Variants in XKR6 observed in about 807,000 individuals in gnomAD.
XKR6 encodes XK related 6, also known as XK-related protein 6.
In XKR6, 22 loss-of-function variants were observed where a neutral mutation model predicts 56.7. The observed-to-expected ratio is 0.39, with a 90% CI of 0.28 to 0.55. XKR6 has a LOEUF of 0.55. Among genes scored for constraint, XKR6 ranks in the 20% least tolerant of loss-of-function variants. The probability of loss-of-function intolerance (pLI) is 0.66; values close to 1 mark genes in which losing one functional copy is unlikely to be tolerated. For synonymous variants in XKR6, 524 were observed against 387.8 expected, an observed-to-expected ratio of 1.35 and a Z score of -4.13; for missense variants, 852 against 889.0, an observed-to-expected ratio of 0.96 and a Z score of 0.53.
intron 1 of XKR6, among the ~76,000 whole-genome samples, chr8:11,140,285 C>T (rs550461479): frequency 1.3e-5 from 2 of 152,246 alleles, no homozygotes; most frequent in South Asian, 2.1e-4. Flanking sequence ...ATCCAAGAAA[C>T]GTTTTCCGAA....
chr8:11,025,322 C>T (rs895379522), intron 1 of XKR6, among the ~76,000 whole-genome samples: 1 of 152,170 alleles, frequency 6.6e-6, no homozygotes, highest in African/African-American at 2.4e-5. Context: ...CATAATCTGA[C>T]TTTAGAGCCT....
chr8:11,148,672 C>T (rs1172592896), intron 1 of XKR6, among the ~76,000 whole-genome samples: 1 of 151,886 alleles, frequency 6.6e-6, no homozygotes, highest in East Asian at 1.9e-4. Context: ...TATTCCACTC[C>T]TAGGTATTTA....
chr8:11,187,524 T>C (rs908566552), intron 1 of XKR6, among the ~76,000 whole-genome samples: 2 of 152,134 alleles, frequency 1.3e-5, no homozygotes, highest in East Asian at 1.9e-4. Context: ...AGAAGGAGTG[T>C]TGGTTCACGA....
At chr8:11,108,885 T>A (rs1456686491) in intron 1 of XKR6, 2 of 152,280 alleles carry the variant, frequency 1.3e-5, no homozygotes, top group Non-Finnish European at 2.9e-5. Flanking sequence ...AGGAAAAGGA[T>A]CCATAGATTT....
chr8:10,918,631 C>T (rs748399004), intron 2 of XKR6, among the ~76,000 whole-genome samples: 1 of 152,248 alleles, frequency 6.6e-6, no homozygotes, highest in Non-Finnish European at 1.5e-5. Context: ...GATCCCAGCT[C>T]TACCACTTCC....
intron 2 of XKR6, among the ~76,000 whole-genome samples, chr8:10,916,517 C>T (rs1208507308): frequency 1.3e-5 from 2 of 152,192 alleles, no homozygotes; most frequent in African/African-American, 4.8e-5. Flanking sequence ...GGATGTCTTT[C>T]ACTGGGGAGA....
chr8:11,069,208 C>G (rs896962895), intron 1 of XKR6, among the ~76,000 whole-genome samples: 2 of 150,980 alleles, frequency 1.3e-5, no homozygotes, highest in African/African-American at 4.9e-5. Flanking sequence ...ATAAGGCAGG[C>G]AGGTTCCACT....
chr8:11,185,332 T>C (rs1257581369), intron 1 of XKR6, among the ~76,000 whole-genome samples: 1 of 152,246 alleles, frequency 6.6e-6, no homozygotes, highest in East Asian at 1.9e-4. Flanking sequence ...CTTAAAAGTT[T>C]GGTGGTGTTT....
intron 1 of XKR6, among the ~76,000 whole-genome samples, chr8:11,010,776 C>CG (rs112756331): frequency 1.8e-4 from 26 of 147,030 alleles, no homozygotes; most frequent in African/African-American, 3.7e-4. Context: ...CCCTCCCCAC[C>CG]TTTTTTTTTT....
chr8:11,098,209 T>A (rs1028159178), intron 1 of XKR6, among the ~76,000 whole-genome samples: 1 of 143,612 alleles, frequency 7.0e-6, no homozygotes, highest in African/African-American at 2.5e-5. Flanking sequence ...CAGGTGACTC[T>A]CTCACACACA....
intron 1 of XKR6, among the ~76,000 whole-genome samples, chr8:10,946,292 C>T (rs149376563): frequency 6.6e-6 from 1 of 152,136 alleles, no homozygotes; most frequent in African/African-American, 2.4e-5. Flanking sequence ...GAGAAAGGAC[C>T]CCCGACCCAA....
chr8:11,113,635 TTTTG>T (rs1276845724), intron 1 of XKR6, among the ~76,000 whole-genome samples: 6 of 152,224 alleles, frequency 3.9e-5, no homozygotes, highest in African/African-American at 1.4e-4. Context: ...CTGGATTCCC[TTTTG>T]TTTAAGAGCA....
intron 1 of XKR6, among the ~76,000 whole-genome samples, chr8:10,998,101 G>A (rs954065251): frequency 1.3e-5 from 2 of 152,224 alleles, no homozygotes; most frequent in East Asian, 1.9e-4. Flanking sequence ...TCACCCCAGA[G>A]AGGGTCCAGC....
intron 1 of XKR6, among the ~76,000 whole-genome samples, chr8:10,950,348 A>G (rs1271499782): frequency 6.6e-6 from 1 of 152,202 alleles, no homozygotes; most frequent in Non-Finnish European, 1.5e-5. Flanking sequence ...CAGGGAGCAC[A>G]AGCTCTTTGT....
chr8:11,026,339 T>G (rs1211109616), intron 1 of XKR6, among the ~76,000 whole-genome samples: 1 of 148,212 alleles, frequency 6.7e-6, no homozygotes, highest in African/African-American at 2.5e-5. Context: ...TACTATACAC[T>G]TAGATAGTGT....
intron 1 of XKR6, among the ~76,000 whole-genome samples, chr8:11,162,794 T>C (rs543827640): frequency 2.6e-5 from 4 of 152,328 alleles, no homozygotes; most frequent in South Asian, 4.1e-4. Flanking sequence ...AAAAAGAACT[T>C]TGTAAGAAGC....
At chr8:11,014,498 C>G (rs1379608848) in intron 1 of XKR6, among the ~76,000 whole-genome samples, 1 of 152,184 alleles carries the variant, frequency 6.6e-6, no homozygotes, top group Non-Finnish European at 1.5e-5. Context: ...AGGTTGGAGC[C>G]TCCCCTTTCC....
intron 1 of XKR6, among the ~76,000 whole-genome samples, chr8:11,016,249 C>G (rs951173638): frequency 6.6e-6 from 1 of 152,202 alleles, no homozygotes; most frequent in African/African-American, 2.4e-5. Flanking sequence ...CGGAGGTTGG[C>G]CGGGGGCCTC....
chr8:11,157,206 G>A (rs971566354), intron 1 of XKR6, among the ~76,000 whole-genome samples: 1 of 152,196 alleles, frequency 6.6e-6, no homozygotes, highest in Non-Finnish European at 1.5e-5. Context: ...AACTGTTGCA[G>A]CGCAGAGGAG....
Sources: gnomAD v4.1 joint callset for allele counts (sites outside exome capture counted in the v4.1 genomes callset) on GRCh38, gnomAD v4.1.1 for gene constraint, MANE v1.5 for transcripts, NCBI Gene and HGNC (gene_info 2026-07-23, HGNC 2026-07-21) for gene names.